ZMYM6: variants seen among roughly 807,000 people sequenced by gnomAD.
ZMYM6 encodes the protein zinc finger MYM-type protein 6.
Under a neutral mutation model 134.0 loss-of-function variants are expected in ZMYM6, and 90 were observed. The ratio of observed to expected loss-of-function variants is 0.67; its 90% CI spans 0.57 to 0.80. The LOEUF is 0.80. Among genes scored for constraint, ZMYM6 ranks in the 30% least tolerant of loss-of-function variants. The pLI is 0.00. For missense variants in ZMYM6, 1,362 were observed against 1,533.9 expected (o/e 0.89, Z 1.87); for synonymous variants, 481 against 524.1 (o/e 0.92, Z 1.12).
chr1:34,996,368 C>T (rs2148445348), intron 14 of ZMYM6, among the ~76,000 whole-genome samples: 1 of 152,220 alleles, frequency 6.6e-6, no homozygotes, highest in East Asian at 1.9e-4. Context: ...TTACCACTTT[C>T]CTTTATCTTT....
chr1:35,008,712 T>G (rs766757849), intron 11 of ZMYM6, 40 bp downstream of exon 11: 1 of 1,581,764 alleles, frequency 6.3e-7, no homozygotes, highest in African/African-American at 1.4e-5. Context: ...CAATTTGCAC[T>G]GATTTCAGAA....
chr1:34,996,163 C>A (rs1420225452), intron 14 of ZMYM6, among the ~76,000 whole-genome samples: 1 of 152,032 alleles, frequency 6.6e-6, no homozygotes, highest in East Asian at 1.9e-4. Context: ...TCTGATGGTA[C>A]TGATAGACAT....
Position 35,011,011 on chromosome 1 carries a change from G to C in ZMYM6, c.1088C>G (p.Thr363Arg), listed in dbSNP as rs370914037. 9.9e-6 allele frequency: 16 copies of C among 1,613,542 alleles called. No homozygotes were observed. The African/African-American group carries it at 2.1e-4, about 22-fold the overall frequency. The change falls in exon 9 of 16, where the codon ACA becomes AGA. Residue 363 changes from threonine (T) to arginine (R), a missense_variant. Thr to Arg is a moderately conservative substitution (Grantham distance 71). Around this residue, in one of 3 missense-constraint regions of ZMYM6, gnomAD observed 503 missense variants for 520.8 expected, o/e 0.97. Transcript: ENST00000357182. ...AGACAGGGGCACCGCCGAAGAGTTT[G>C]TTCCTTTTGGCTTGCTAAATACATT... is the stretch of plus-strand genomic sequence containing the variant. ...FQNVFSKPKG[T>R]NSSAVPLSQG...
At position 34,994,193 on chromosome 1, in the gene ZMYM6, A is replaced by T. The variant is rs558620174; in HGVS notation, c.1993-1806T>A. Among the ~76,000 whole-genome samples the T allele has an allele frequency of 2.0e-5, 3 of 152,364 alleles. No individual in the cohort carries two copies. In the East Asian group the frequency reaches 5.8e-4, roughly 29 times the overall value. On this transcript the variant is annotated intron_variant, in intron 14 of 15. Transcript: ENST00000357182. ...CAGAAAACAAGACAAAGTTCTGCTC[A>T]TATGAGCCTTACATTCTAGAGGAAG...
intron 3 of ZMYM6, 144 bp downstream of exon 3, chr1:35,020,239 C>T (rs1255574408): frequency 3.4e-6 from 2 of 596,596 alleles, no homozygotes; most frequent in Non-Finnish European, 5.6e-6. Flanking sequence ...TTTTAAAACG[C>T]TGCTGAAAAC....
chr1:35,011,163 A>G (rs1479900446), intron 8 of ZMYM6, 127 bp from the exon 9 acceptor site: 4 of 980,632 alleles, frequency 4.1e-6, no homozygotes, highest in Middle Eastern at 2.7e-4. Flanking sequence ...TATCTCACAG[A>G]AAGAGTTTAA....
At chr1:35,028,814 G>A (rs971957925) in intron 2 of ZMYM6, among the ~76,000 whole-genome samples, 5 of 151,862 alleles carry the variant, frequency 3.3e-5, no homozygotes, top group African/African-American at 9.7e-5. Flanking sequence ...ATTGATTTCC[G>A]TGCTCTCCAT....
intron 14 of ZMYM6, among the ~76,000 whole-genome samples, chr1:34,993,807 C>G (rs538302330): frequency 3.3e-5 from 5 of 152,188 alleles, no homozygotes; most frequent in Middle Eastern, 3.4e-3. Context: ...CCTCAGCCTC[C>G]TGAGTAGCTG....
intron 13 of ZMYM6, among the ~76,000 whole-genome samples, chr1:35,004,278 C>T (rs1484137470): frequency 6.6e-6 from 1 of 152,082 alleles, no homozygotes; most frequent in Admixed American, 6.6e-5. Flanking sequence ...ATATCACTTC[C>T]CAGGGAGTAC....
At chr1:35,002,132 G>A (rs1349133068) in intron 14 of ZMYM6, among the ~76,000 whole-genome samples, 1 of 152,166 alleles carries the variant, frequency 6.6e-6, no homozygotes, top group Non-Finnish European at 1.5e-5. Flanking sequence ...TCTTCCAGTT[G>A]CTTTTGTTCT....
At chr1:34,991,156 G>A (rs1012605657) in intron 15 of ZMYM6, among the ~76,000 whole-genome samples, 7 of 151,852 alleles carry the variant, frequency 4.6e-5, no homozygotes, top group African/African-American at 1.2e-4. Flanking sequence ...GAGCCACCAC[G>A]TCTGACCAAC....
chr1:34,992,185 A>G, intron 15 of ZMYM6, 49 bp downstream of exon 15: 1 of 1,611,704 alleles, frequency 6.2e-7, no homozygotes, highest in Non-Finnish European at 8.5e-7. Context: ...ACAAAAACAA[A>G]CAAGCCAGAA....
Position 34,992,354 on chromosome 1 carries a change from A to T in ZMYM6, c.2026T>A (p.Ser676Thr), listed in dbSNP as rs763358916. Residue 676 changes from serine (S) to threonine (T), a missense_variant, in exon 15 of 16, where the codon TCT becomes ACT. Coordinates refer to ENST00000357182, the MANE Select transcript of ZMYM6 (RefSeq NM_007167.4). Reference protein sequence around the residue: ...STQEDAMKFPSSQSSQPSRLL... With the variant: ...STQEDAMKFPTSQSSQPSRLL... Reference sequence around the variant, plus strand: ...CTGGAAGGCTGGGAAGATTGGGAAGATGGAAATTTCATAGCATCTTCCTGT... The same window carrying T: ...CTGGAAGGCTGGGAAGATTGGGAAGTTGGAAATTTCATAGCATCTTCCTGT... 1.7e-5 allele frequency: 27 copies of T among 1,613,928 alleles called. No individual in the cohort carries two copies. Among genetic ancestry groups the T allele is most frequent in the Admixed American group, 5.0e-5 (3 of 59,988 alleles).
chr1:35,018,977 A>C (rs1368216968), intron 4 of ZMYM6: 6 of 277,582 alleles, frequency 2.2e-5, no homozygotes, highest in Non-Finnish European at 3.3e-5. Flanking sequence ...TTAAAGAATT[A>C]AATAGCTTTT....
At chr1:35,012,698 A>G in intron 6 of ZMYM6, 117 bp from the exon 7 acceptor site, 1 of 1,464,784 alleles carries the variant, frequency 6.8e-7, no homozygotes, top group Non-Finnish European at 9.0e-7. Context: ...ATATTTGAGC[A>G]TGATGATGAA....
intron 2 of ZMYM6, among the ~76,000 whole-genome samples, chr1:35,027,170 A>C (rs1402319303): frequency 6.6e-6 from 1 of 152,216 alleles, no homozygotes; most frequent in Non-Finnish European, 1.5e-5. Context: ...GAGTTTTAGA[A>C]GATAGTTTTG....
chr1:35,007,319 G>C (rs964364430), intron 11 of ZMYM6, among the ~76,000 whole-genome samples: 1 of 152,136 alleles, frequency 6.6e-6, no homozygotes, highest in Admixed American at 6.6e-5. Flanking sequence ...CACGGTAATT[G>C]TGGGATCACG....
intron 10 of ZMYM6, among the ~76,000 whole-genome samples, chr1:35,009,927 C>T (rs1641054105): frequency 1.3e-5 from 2 of 151,972 alleles, no homozygotes; most frequent in Admixed American, 1.3e-4. Context: ...CAGGGCAAGA[C>T]CTTGTCTCAA....
At position 34,995,103 on chromosome 1, in the gene ZMYM6, A is replaced by G. The variant is rs1161724301; in HGVS notation, c.1993-2716T>C. Among the ~76,000 whole-genome samples the G allele has an allele frequency of 2.2e-5, 3 of 137,556 alleles. No individual in the cohort carries two copies. In the East Asian group the frequency reaches 6.1e-4, roughly 28 times the overall value. 90.2% of individuals were successfully genotyped at this position (137,556 alleles called of 152,430 possible). On this transcript the variant is annotated intron_variant, in intron 14 of 15. Coordinates refer to ENST00000357182, the MANE Select transcript of ZMYM6 (RefSeq NM_007167.4). ...TACATACGTATATATGTATGTATATACGTAAGTATATATGTATACATATAC... is the reference window on the plus strand; with the variant it reads ...TACATACGTATATATGTATGTATATGCGTAAGTATATATGTATACATATAC...
Sources: gnomAD v4.1 joint callset for allele counts (sites outside exome capture counted in the v4.1 genomes callset) on GRCh38, gnomAD v4.1.1 for gene constraint, gnomAD v4.1.1 regional missense constraint, MANE v1.5 for transcripts, NCBI Gene and HGNC (gene_info 2026-07-23, HGNC 2026-07-21) for gene names.